The following STRA8 variants were observed in gnomAD, a reference collection of about 807,000 sequenced individuals.
The protein encoded by STRA8 is stimulated by retinoic acid gene 8 protein homolog.
A neutral mutation model predicts 37.1 loss-of-function variants in STRA8; 18 were observed. The observed-to-expected ratio is 0.48, with a 90% CI of 0.34 to 0.72. The LOEUF (loss-of-function observed/expected upper bound fraction) is 0.72, where lower values mean the gene tolerates loss of function less well. Among genes scored for constraint, STRA8 ranks in the 30% least tolerant of loss-of-function variants. The pLI is 0.01. For synonymous variants in STRA8, 168 were observed against 162.9 expected (o/e 1.03, Z -0.24); for missense variants, 357 against 410.4 (o/e 0.87, Z 1.13).
upstream of STRA8, chr7:135,232,124 C>T (rs112886555): frequency 2.5e-4 from 156 of 615,384 alleles, no homozygotes; most frequent in Non-Finnish European, 4.2e-4. Flanking sequence ...GTGGTTGGGG[C>T]GGGAGGTGGG....
At chr7:135,252,699 T>C (rs1490107134) in intron 7 of STRA8, among the ~76,000 whole-genome samples, 2 of 152,216 alleles carry the variant, frequency 1.3e-5, no homozygotes, top group Admixed American at 1.3e-4. Flanking sequence ...GTGTTAGTCC[T>C]GCTAACCTCC....
chr7:135,233,574 G>A (rs1832323054), upstream of STRA8, among the ~76,000 whole-genome samples: 1 of 152,142 alleles, frequency 6.6e-6, no homozygotes, highest in African/African-American at 2.4e-5. Context: ...CCCCCGAGCT[G>A]ATTACTGACG....
rs1784606540 is a variant in STRA8, at chr7:135,242,837, T to A, written c.249T>A (p.Asp83Glu). The change falls in exon 3 of 9, where the codon GAT becomes GAA. Residue 83 changes from aspartate to glutamate, a missense_variant. Physicochemically the swap from Asp to Glu is conservative, Grantham distance 45. Transcript: ENST00000662584. ...SHIPELEQTLDNLLKLKASFN... is the reference protein window; with the variant it reads ...SHIPELEQTLENLLKLKASFN... ...TTCCAGAACTGGAGCAAACCCTGGATAATTTGCTGAAGCTGAAAGGTAATG... is the reference window on the plus strand; with the variant it reads ...TTCCAGAACTGGAGCAAACCCTGGAAAATTTGCTGAAGCTGAAAGGTAATG... The A allele has an allele frequency of 1.9e-6, 3 of 1,614,246 alleles. No homozygotes were observed. Among genetic ancestry groups the A allele is most frequent in the Non-Finnish European group, 1.7e-6 (2 of 1,180,034 alleles).
chr7:135,243,942 G>A (rs1832507429), intron 4 of STRA8, among the ~76,000 whole-genome samples: 1 of 152,220 alleles, frequency 6.6e-6, no homozygotes, highest in Non-Finnish European at 1.5e-5. Flanking sequence ...GGTACACCCA[G>A]GTGTCACAAA....
intron 2 of STRA8, among the ~76,000 whole-genome samples, chr7:135,240,995 T>C (rs532481841): frequency 6.6e-6 from 1 of 152,256 alleles, no homozygotes; most frequent in South Asian, 2.1e-4. Context: ...TGTTCTCACA[T>C]GGGGGAAAGA....
At chr7:135,238,523 C>T (rs992426071) in intron 1 of STRA8, among the ~76,000 whole-genome samples, 5 of 152,202 alleles carry the variant, frequency 3.3e-5, no homozygotes, top group African/African-American at 1.2e-4. Flanking sequence ...GCCCAGAGGC[C>T]TTTGGTGTTA....
chr7:135,234,198 C>T (rs1832336444), intron 1 of STRA8, among the ~76,000 whole-genome samples: 1 of 152,194 alleles, frequency 6.6e-6, no homozygotes, highest in Non-Finnish European at 1.5e-5. Context: ...CCTCCGCCTC[C>T]CGGGTTCAAG....
intron 2 of STRA8, 60 bp downstream of exon 2, chr7:135,240,776 G>A: frequency 6.3e-7 from 1 of 1,580,906 alleles, no homozygotes; most frequent in Non-Finnish European, 8.6e-7. Context: ...GTTTTCACAG[G>A]TGGAGGGACT....
chr7:135,247,413 C>T (rs1483748584), intron 6 of STRA8, among the ~76,000 whole-genome samples: 1 of 152,226 alleles, frequency 6.6e-6, no homozygotes, highest in Non-Finnish European at 1.5e-5. Flanking sequence ...TTTCCCTGCC[C>T]TCCCCACCTC....
upstream of STRA8, chr7:135,232,050 T>C (rs1019483082): frequency 3.7e-6 from 6 of 1,613,556 alleles, no homozygotes; most frequent in African/African-American, 1.3e-5. Context: ...TAAATAAGCT[T>C]CTTAGTAACT....
chr7:135,251,795 G>C lies in STRA8; in HGVS notation c.880-1G>C. ...ACATGAAGTGTTGTGCTTTCTTTCA[G>C]ATCCTTTTTGAGGATGCCTTTGATG... On this transcript the variant is annotated splice_acceptor_variant, in intron 6 of 8. Transcript: ENST00000662584. LOFTEE classifies it high-confidence loss of function. 1 of 1,614,156 alleles carries C rather than the reference G, an allele frequency of 6.2e-7. No homozygotes were observed. The highest frequency in any genetic ancestry group is 8.5e-7 in the Non-Finnish European group (1 of 1,180,000).
In STRA8 at chr7:135,258,597, G is replaced by A. The variant is rs997352513; in HGVS notation, c.*105G>A. The A allele has an allele frequency of 9.6e-6, 8 of 836,952 alleles. No homozygotes were observed. The highest frequency in any genetic ancestry group is 2.5e-4 in the Middle Eastern group (1 of 3,926). 51.8% of individuals were successfully genotyped at this position (836,952 alleles called of 1,614,324 possible). On this transcript the variant is annotated 3_prime_UTR_variant, in exon 9 of 9. Transcript: ENST00000662584. ...CCTGCCTTGGCCTCCAGGACTCTTT[G>A]GAGTGGGTTGTTCCAGAAGCATTTT...
In STRA8 at chr7:135,246,765, G is replaced by T; in HGVS notation, c.879+63G>T. The T allele has an allele frequency of 6.9e-7, 1 of 1,450,728 alleles. No individual in the cohort carries two copies. The highest frequency in any genetic ancestry group is 1.4e-5 in the South Asian group (1 of 72,528). 89.9% of individuals were successfully genotyped at this position (1,450,728 alleles called of 1,614,324 possible). On this transcript the variant is annotated intron_variant, in intron 6 of 8. Transcript: ENST00000662584. The surrounding 1 kb of genome is among the most constrained non-coding windows in gnomAD (Gnocchi z 5.4). ...GGAACCACCCTCGCCCTCGCCTGGG[G>T]ACACCAGGGCTTTGCATTTAGCAGG... is the stretch of plus-strand genomic sequence containing the variant.
At chr7:135,248,495 C>A (rs1052424727) in intron 6 of STRA8, among the ~76,000 whole-genome samples, 2 of 152,050 alleles carry the variant, frequency 1.3e-5, no homozygotes, top group African/African-American at 4.8e-5. Flanking sequence ...AATGCTTGAG[C>A]CCAGGAGTTT....
rs541061379 is a variant in STRA8, at chr7:135,233,901, C to T, written c.-9C>T. Among the ~76,000 whole-genome samples the T allele has an allele frequency of 8.5e-5, 13 of 152,230 alleles. No homozygotes were observed. Among genetic ancestry groups the T allele is most frequent in the African/African-American group, 2.6e-4 (11 of 41,528 alleles). The stretch of plus-strand genomic sequence containing the variant: ...GTGGGGACGTCGCGTGCACCGTTGG[C>T]GAGTAAGTATCCTTTGAACGCTCCT... On this transcript the variant is annotated splice_region_variant and 5_prime_UTR_variant, in exon 1 of 9. Coordinates refer to ENST00000662584, the MANE Select transcript of STRA8 (RefSeq NM_001394401.1).
chr7:135,243,452 T>C, intron 4 of STRA8, 42 bp downstream of exon 4: 1 of 1,580,656 alleles, frequency 6.3e-7, no homozygotes, highest in South Asian at 1.1e-5. Flanking sequence ...ACCTGCTGTG[T>C]CCTCACAGCC....
At chr7:135,255,267 C>A (rs76015985) in intron 8 of STRA8, 42 bp downstream of exon 8, 1 of 1,506,492 alleles carries the variant, frequency 6.6e-7, no homozygotes, top group Non-Finnish European at 9.2e-7. Flanking sequence ...GCCCACCTTG[C>A]TTAGATAGCA....
chr7:135,237,475 G>A (rs1367857981), intron 1 of STRA8, among the ~76,000 whole-genome samples: 1 of 152,192 alleles, frequency 6.6e-6, no homozygotes, highest in East Asian at 1.9e-4. Context: ...GGAATAAGGC[G>A]GAGGGTCCTG....
chr7:135,235,407 T>TC (rs1832357378), intron 1 of STRA8, among the ~76,000 whole-genome samples: 1 of 151,736 alleles, frequency 6.6e-6, no homozygotes, highest in Non-Finnish European at 1.5e-5. Flanking sequence ...TTTTTTTTTT[T>TC]TATTGCTCCA....
Sources: gnomAD v4.1 joint callset for allele counts (sites outside exome capture counted in the v4.1 genomes callset) on GRCh38, gnomAD v4.1.1 for gene constraint, Gnocchi (gnomAD v3.1) non-coding constraint, MANE v1.5 for transcripts, NCBI Gene and HGNC (gene_info 2026-07-23, HGNC 2026-07-21) for gene names.